Variants in MCF2L2 observed in about 807,000 individuals in gnomAD.
The protein encoded by MCF2L2 is MCF.2 cell line derived transforming sequence-like 2, also known as probable guanine nucleotide exchange factor MCF2L2.
Under a neutral mutation model 150.2 loss-of-function variants are expected in MCF2L2, and 102 were observed. That is an observed-to-expected ratio of 0.68 (90% CI 0.58 to 0.80). The LOEUF is 0.80. Among genes scored for constraint, MCF2L2 ranks in the 30% least tolerant of loss-of-function variants. The pLI, the probability that MCF2L2 is intolerant of heterozygous loss-of-function variation, is 0.00. For synonymous variants in MCF2L2, 465 were observed against 491.3 expected (o/e 0.95, Z 0.71); for missense variants, 1,256 against 1,372.8 (o/e 0.91, Z 1.34).
chr3:183,425,956 A>G (rs57251731), intron 1 of MCF2L2, among the ~76,000 whole-genome samples: 2 of 106,936 alleles, frequency 1.9e-5, no homozygotes, highest in Admixed American at 8.2e-5. Context: ...ACTCCATCTC[A>G]AAAAAAAAAA....
chr3:183,254,367 C>G (rs1255776157), intron 15 of MCF2L2: 1 of 152,028 alleles, frequency 6.6e-6, no homozygotes, highest in African/African-American at 2.4e-5. Flanking sequence ...CCACCGCGGG[C>G]CCCGGCAGCC....
intron 5 of MCF2L2, among the ~76,000 whole-genome samples, chr3:183,331,981 T>C (rs1440139718): frequency 2.0e-5 from 3 of 152,176 alleles, no homozygotes; most frequent in African/African-American, 4.8e-5. Flanking sequence ...CTGATTCCTA[T>C]ACCAGTCACA....
intron 13 of MCF2L2, among the ~76,000 whole-genome samples, chr3:183,293,019 G>T (rs988225612): frequency 2.6e-5 from 4 of 152,134 alleles, no homozygotes; most frequent in African/African-American, 9.7e-5. Context: ...TATCAATAAT[G>T]ATGATGGATG....
chr3:183,226,828 C>T (rs1384551993), intron 18 of MCF2L2: 1 of 152,138 alleles, frequency 6.6e-6, no homozygotes, highest in African/African-American at 2.4e-5. Flanking sequence ...ATATAAAGCA[C>T]TAATAATGTA....
intron 12 of MCF2L2, 37 bp from the exon 13 acceptor site, chr3:183,295,514 C>G (rs1728448330): frequency 1.9e-5 from 30 of 1,598,576 alleles, no homozygotes; most frequent in Non-Finnish European, 2.5e-5. Flanking sequence ...GAACAGGTCT[C>G]TCTGTATACA....
intron 3 of MCF2L2, among the ~76,000 whole-genome samples, chr3:183,361,781 A>C (rs963967686): frequency 2.0e-5 from 3 of 152,202 alleles, no homozygotes; most frequent in African/African-American, 7.2e-5. Flanking sequence ...TTAAATACTT[A>C]AGTGTGAATA....
At chr3:183,326,416 C>G (rs1299405742) in intron 5 of MCF2L2, among the ~76,000 whole-genome samples, 2 of 135,108 alleles carry the variant, frequency 1.5e-5, no homozygotes, top group Non-Finnish European at 3.0e-5. Flanking sequence ...CGCTGGAATT[C>G]AGGAGGCGGA....
chr3:183,340,483 G>A (rs919445368), intron 4 of MCF2L2, among the ~76,000 whole-genome samples: 5 of 152,002 alleles, frequency 3.3e-5, no homozygotes, highest in African/African-American at 1.2e-4. Flanking sequence ...TACAGAGGAA[G>A]GACACATCTA....
chr3:183,216,551 ATT>A, intron 21 of MCF2L2, among the ~76,000 whole-genome samples: 1 of 42,200 alleles, frequency 2.4e-5, no homozygotes, highest in Non-Finnish European at 4.8e-5. Flanking sequence ...AAGTATATAT[ATT>A]ATATATATAT....
intron 3 of MCF2L2, among the ~76,000 whole-genome samples, chr3:183,357,196 A>C (rs967689849): frequency 1.3e-5 from 2 of 152,216 alleles, no homozygotes; most frequent in African/African-American, 4.8e-5. Context: ...CCAAAAGAAC[A>C]AATAGGGCCA....
chr3:183,326,492 C>CAAAAAAAAA (rs890481068), intron 5 of MCF2L2, among the ~76,000 whole-genome samples: 82 of 39,384 alleles, frequency 2.1e-3, no homozygotes, highest in African/African-American at 5.4e-3. Context: ...AACTCCGTCT[C>CAAAAAAAAA]AAAAAAAAAA....
chr3:183,270,319 T>C lies in MCF2L2; in HGVS notation c.1862+6553A>G, dbSNP rs373017855. 6.8e-5 allele frequency: 109 copies of C among 1,614,094 alleles called. No individual in the cohort carries two copies. The highest frequency in any genetic ancestry group is 8.3e-5 in the Admixed American group (5 of 60,010). ...TACAATCTTACTCTGAAATTACTTA[T>C]GCAGTTCAGTTGGGCAAATACCTAT... On this transcript the variant is annotated intron_variant, in intron 15 of 29. Coordinates refer to ENST00000328913, the MANE Select transcript of MCF2L2 (RefSeq NM_015078.4). The surrounding 1 kb of genome is among the most constrained non-coding windows in gnomAD (Gnocchi z 4.5).
chr3:183,191,132 T>A (rs2108634062), intron 27 of MCF2L2, among the ~76,000 whole-genome samples: 1 of 152,296 alleles, frequency 6.6e-6, no homozygotes, highest in Non-Finnish European at 1.5e-5. Flanking sequence ...CACCTCGGCC[T>A]CCCAAAGTGC....
chr3:183,367,676 G>A (rs6791370), intron 3 of MCF2L2, among the ~76,000 whole-genome samples: 41,868 of 152,092 alleles, frequency 0.28, 8,137 homozygotes, highest in African/African-American at 0.55. Flanking sequence ...ATGGAAACAC[G>A]TGGTAGAAAA....
chr3:183,294,636 T>A (rs1172022840), intron 13 of MCF2L2, among the ~76,000 whole-genome samples: 101 of 146,986 alleles, frequency 6.9e-4, no homozygotes, highest in African/African-American at 2.2e-3. Context: ...TATATATATT[T>A]TTTTTTTTTT....
Position 183,361,107 on chromosome 3 carries a change from A to AAGACAAGACAAGACAAGAC in MCF2L2, c.275+18189_275+18190insGTCTTGTCTTGTCTTGTCT, listed in dbSNP as rs1560040349. Reference sequence around the variant, plus strand: ...CAAGACAAGACAAGACAAGACAAGAAAAGAAAAAAGAAAAAGAAAAGAAAA... The same window carrying AAGACAAGACAAGACAAGAC: ...CAAGACAAGACAAGACAAGACAAGAAAGACAAGACAAGACAAGACAAGAAAAAAGAAAAAGAAAAGAAAA... On this transcript the variant is annotated intron_variant, in intron 3 of 29. Transcript: ENST00000328913. 2.4e-3 allele frequency among the ~76,000 whole-genome samples: 219 copies of AAGACAAGACAAGACAAGAC among 91,588 alleles called. 13 individuals carry two copies. The highest frequency in any genetic ancestry group is 0.014 in the African/African-American group (179 of 13,008). 60.1% of individuals were successfully genotyped at this position (91,588 alleles called of 152,430 possible). A position where few individuals can be genotyped will look rare whatever the true frequency, so the allele number is the denominator to read the frequency against.
chr3:183,345,352 A>G (rs1191677910), intron 3 of MCF2L2, among the ~76,000 whole-genome samples: 3 of 152,212 alleles, frequency 2.0e-5, no homozygotes, highest in Admixed American at 6.5e-5. Flanking sequence ...GCAGAAAGAA[A>G]TAAGTTCTTT....
chr3:183,207,667 G>A lies in MCF2L2; in HGVS notation c.2653C>T (p.Arg885Ter), dbSNP rs1020601123. Residue 885 changes from arginine (R) to a stop codon, truncating the protein, a stop_gained, in exon 23 of 30, where the codon CGA becomes TGA. Transcript: ENST00000328913. LOFTEE classifies it high-confidence loss of function. ...FERGIVFCKI[R>*]MEPGDQGLSP... Reference sequence around the variant, plus strand: ...AATCCCTGGTCCCCAGGCTCCATTCGTATCTTACAGAACACTATTCCCCTT... The same window carrying A: ...AATCCCTGGTCCCCAGGCTCCATTCATATCTTACAGAACACTATTCCCCTT... 4.3e-6 allele frequency: 7 copies of A among 1,614,170 alleles called. No individual in the cohort carries two copies. Among genetic ancestry groups the A allele is most frequent in the Non-Finnish European group, 4.2e-6 (5 of 1,180,004 alleles).
chr3:183,249,332 G>A (rs934897351), intron 15 of MCF2L2, among the ~76,000 whole-genome samples: 1 of 152,226 alleles, frequency 6.6e-6, no homozygotes, highest in Non-Finnish European at 1.5e-5. Flanking sequence ...CATTTTCACA[G>A]GGGCTGTTGG....
Sources: gnomAD v4.1 joint callset for allele counts (sites outside exome capture counted in the v4.1 genomes callset) on GRCh38, gnomAD v4.1.1 for gene constraint, Gnocchi (gnomAD v3.1) non-coding constraint, MANE v1.5 for transcripts, NCBI Gene and HGNC (gene_info 2026-07-23, HGNC 2026-07-21) for gene names.